Variants in PARP8 observed in about 807,000 individuals in gnomAD.
PARP8 encodes the protein poly(ADP-ribose) polymerase family member 8, also known as protein mono-ADP-ribosyltransferase PARP8.
PARP8 carries 51 observed loss-of-function variants against 124.1 expected under a neutral mutation model. The observed-to-expected ratio is 0.41, with a 90% CI of 0.33 to 0.52. PARP8 has a LOEUF of 0.52. PARP8 is among the 20% of genes least tolerant of loss of function. The probability of loss-of-function intolerance (pLI) is 0.21; values close to 1 mark genes in which losing one functional copy is unlikely to be tolerated. For synonymous variants in PARP8, 391 were observed against 361.5 expected, an observed-to-expected ratio of 1.08 and a Z score of -0.93; for missense variants, 860 against 1,018.9, an observed-to-expected ratio of 0.84 and a Z score of 2.12.
rs762016955 is a variant in PARP8 at position 50,761,916 on chromosome 5, T to A, written c.423+18T>A. ...GAGGGCAGGTAAGGAAACCTGGTCT[T>A]CCAAATACCTAGTCTTAAAGTTCTA... On this transcript the variant is annotated intron_variant, in intron 6 of 25. Transcript: ENST00000281631. The A allele has an allele frequency of 6.7e-7, 1 of 1,490,490 alleles. No individual in the cohort carries two copies. The allele number at this position is 1,490,490 out of a possible 1,614,324, so 92.3% of individuals were successfully genotyped here.
At chr5:50,679,649 T>C (rs1037833523) in intron 2 of PARP8, among the ~76,000 whole-genome samples, 13 of 152,140 alleles carry the variant, frequency 8.5e-5, no homozygotes, top group Admixed American at 2.0e-4. Flanking sequence ...ATCCTGGTTT[T>C]ACCCAACAGG....
intron 2 of PARP8, among the ~76,000 whole-genome samples, chr5:50,723,589 C>T (rs1756126128): frequency 6.6e-6 from 1 of 151,880 alleles, no homozygotes; most frequent in Non-Finnish European, 1.5e-5. Flanking sequence ...GTGTCACCTT[C>T]TTATTGTGTG....
chr5:50,834,358 T>C (rs1747332127), intron 24 of PARP8, among the ~76,000 whole-genome samples: 1 of 152,102 alleles, frequency 6.6e-6, no homozygotes, highest in Admixed American at 6.6e-5. Context: ...CTCTTAAAGT[T>C]GGTATTTGAA....
intron 9 of PARP8, among the ~76,000 whole-genome samples, chr5:50,779,070 C>T (rs1379065260): frequency 1.5e-4 from 23 of 152,012 alleles, no homozygotes; most frequent in Admixed American, 1.3e-3. Flanking sequence ...AATCTTTAAG[C>T]GACAATGTTG....
At chr5:50,782,098 T>A (rs1170261746) in intron 9 of PARP8, among the ~76,000 whole-genome samples, 1 of 152,224 alleles carries the variant, frequency 6.6e-6, no homozygotes, top group African/African-American at 2.4e-5. Context: ...CCTCTCTGCC[T>A]TAGGGTTCAT....
rs1748324188 is a variant in PARP8, at chr5:50,842,983, T to C, written c.*915T>C. The C allele has an allele frequency of 2.0e-5, 3 of 151,722 alleles. No homozygotes were observed. In the Admixed American group the frequency reaches 2.0e-4, roughly 10 times the overall value. 9.4% of individuals were successfully genotyped at this position (151,722 alleles called of 1,614,324 possible). ...GACCTCAGAATTTAAAGAAACCATA[T>C]ATATTTTTTATTTACTACAAAAAAA... On this transcript the variant is annotated 3_prime_UTR_variant, in exon 26 of 26. Transcript: ENST00000281631.
intron 9 of PARP8, among the ~76,000 whole-genome samples, chr5:50,783,451 T>A (rs1298499093): frequency 6.6e-6 from 1 of 152,166 alleles, no homozygotes; most frequent in Admixed American, 6.5e-5. Flanking sequence ...ATTTTTTGAT[T>A]TACATAAATG....
chr5:50,687,271 T>C (rs1036944193), intron 2 of PARP8, among the ~76,000 whole-genome samples: 18 of 152,144 alleles, frequency 1.2e-4, no homozygotes, highest in Non-Finnish European at 2.9e-5. Context: ...GCCAGTCTCT[T>C]TGCTAAAACG....
At chr5:50,728,305 A>G (rs953504438) in intron 2 of PARP8, among the ~76,000 whole-genome samples, 1 of 152,190 alleles carries the variant, frequency 6.6e-6, no homozygotes, top group Non-Finnish European at 1.5e-5. Flanking sequence ...AATTGATGCT[A>G]TTGCAATTAG....
In PARP8 at chr5:50,666,782, G is replaced by A; in HGVS notation, c.-314G>A. The A allele has an allele frequency of 1.0e-6, 1 of 958,578 alleles. No homozygotes were observed. The allele number at this position is 958,578 out of a possible 1,614,324, so 59.4% of individuals were successfully genotyped here. On this transcript the variant is annotated 5_prime_UTR_variant, in exon 1 of 26. It adds an upstream start codon to the 5' untranslated region. Transcript: ENST00000281631. ...CCCCCACGGCCGTTGGTCCGGGCGG[G>A]TGAGGGAGAAAGTGAGACTTGGTGT...
At chr5:50,789,419 G>C (rs1459795045) in intron 10 of PARP8, among the ~76,000 whole-genome samples, 22 of 152,038 alleles carry the variant, frequency 1.4e-4, no homozygotes, top group Admixed American at 1.4e-3. Flanking sequence ...CAGAACTTTG[G>C]GACCCACTGG....
At position 50,732,946 on chromosome 5, in the gene PARP8, G is replaced by C. The variant is rs188387267; in HGVS notation, c.147-17205G>C. ...TCTTTTAAGTGTAGGAAATGAAACT[G>C]TGAATAGTTTTCACATAACAGTGCT... On this transcript the variant is annotated intron_variant, in intron 2 of 25. Coordinates refer to ENST00000281631, the MANE Select transcript of PARP8 (RefSeq NM_024615.4). Among the ~76,000 whole-genome samples the C allele has an allele frequency of 3.2e-3, 493 of 151,798 alleles. 1 individual carries two copies. Among genetic ancestry groups the C allele is most frequent in the Non-Finnish European group, 5.2e-3 (351 of 67,952 alleles).
intron 2 of PARP8, chr5:50,739,205 G>A: frequency 1.6e-6 from 1 of 619,858 alleles, no homozygotes; most frequent in Non-Finnish European, 3.0e-6. Flanking sequence ...AGGGGGATCT[G>A]TTATCCTGAT....
chr5:50,676,720 A>G lies in PARP8; in HGVS notation c.146+8595A>G, dbSNP rs528145291. On this transcript the variant is annotated intron_variant, in intron 2 of 25. Coordinates refer to ENST00000281631, the MANE Select transcript of PARP8 (RefSeq NM_024615.4). ...AAATATTTCATTTCTTTGATAAATT[A>G]CATTAAAAAATCAATGAGAGTATCT... Among the ~76,000 whole-genome samples, 172 of 152,376 alleles carry G rather than the reference A, an allele frequency of 1.1e-3. 1 individual carries two copies. Among genetic ancestry groups the G allele is most frequent in the African/African-American group, 4.0e-3 (167 of 41,594 alleles).
intron 9 of PARP8, among the ~76,000 whole-genome samples, chr5:50,784,967 A>G (rs1741079887): frequency 6.6e-6 from 1 of 152,038 alleles, no homozygotes; most frequent in Non-Finnish European, 1.5e-5. Flanking sequence ...CAGCTAGTAC[A>G]GAGGTCCCAT....
At chr5:50,840,687 G>C (rs1748083896) in intron 25 of PARP8, among the ~76,000 whole-genome samples, 1 of 151,782 alleles carries the variant, frequency 6.6e-6, no homozygotes, top group Non-Finnish European at 1.5e-5. Context: ...AAACTGAGGT[G>C]TGATTCATGT....
At chr5:50,723,421 CA>C (rs936643023) in intron 2 of PARP8, among the ~76,000 whole-genome samples, 5 of 152,062 alleles carry the variant, frequency 3.3e-5, no homozygotes, top group Admixed American at 2.0e-4. Context: ...ATGATGATGG[CA>C]ATTACAATAT....
chr5:50,724,975 A>C (rs1162081684), intron 2 of PARP8, among the ~76,000 whole-genome samples: 1 of 151,990 alleles, frequency 6.6e-6, no homozygotes, highest in Non-Finnish European at 1.5e-5. Flanking sequence ...CTCCTGAGTT[A>C]CTTCACTTAG....
At chr5:50,835,567 C>T (rs2149724667) in intron 25 of PARP8, among the ~76,000 whole-genome samples, 1 of 151,986 alleles carries the variant, frequency 6.6e-6, no homozygotes, top group East Asian at 1.9e-4. Context: ...AAGAAAAACA[C>T]CATCTCTGTC....
Sources: gnomAD v4.1 joint callset for allele counts (sites outside exome capture counted in the v4.1 genomes callset) on GRCh38, gnomAD v4.1.1 for gene constraint, MANE v1.5 for transcripts, NCBI Gene and HGNC (gene_info 2026-07-23, HGNC 2026-07-21) for gene names.